Variants in RPS6KA2 observed in about 807,000 individuals in gnomAD.
RPS6KA2 encodes ribosomal protein S6 kinase alpha-2.
In RPS6KA2, 42 loss-of-function variants were observed where a neutral mutation model predicts 91.8. The ratio of observed to expected loss-of-function variants is 0.46; its 90% confidence interval spans 0.36 to 0.59. The LOEUF (loss-of-function observed/expected upper bound fraction) is 0.59. Ranked by LOEUF, RPS6KA2 falls within the 20% of genes least tolerant of loss-of-function variation. The pLI, the probability that RPS6KA2 is intolerant of heterozygous loss-of-function variation, is 0.00. For missense variants in RPS6KA2, 798 were observed against 978.5 expected (o/e 0.82, Z 2.46); for synonymous variants, 414 against 393.6 (o/e 1.05, Z -0.61).
chr6:166,580,920 G>A (rs1784988972), intron 1 of RPS6KA2, among the ~76,000 whole-genome samples: 1 of 151,870 alleles, frequency 6.6e-6, no homozygotes, highest in African/African-American at 2.4e-5. Flanking sequence ...TTCTTTTTTT[G>A]AGACGAAGTC....
chr6:166,589,822 C>A (rs3778387), intron 1 of RPS6KA2, among the ~76,000 whole-genome samples: 25,290 of 152,200 alleles, frequency 0.17, 2,263 homozygotes, highest in Non-Finnish European at 0.2. Context: ...AAATTTCTAA[C>A]TCCTAGATTT....
Position 166,640,580 on chromosome 6 carries a change from C to T in RPS6KA2, c.124-101796G>A, listed in dbSNP as rs143779183. 3.5e-3 allele frequency among the ~76,000 whole-genome samples: 540 copies of T among 152,256 alleles called. 2 individuals carry two copies. The highest frequency in any genetic ancestry group is 0.013 in the African/African-American group (524 of 41,526). On this transcript the variant is annotated intron_variant, in intron 2 of 21. Coordinates refer to the RPS6KA2 transcript ENST00000503859. The stretch of plus-strand genomic sequence containing the variant: ...CTGTTCTGGGCAACCTGCTGGGTCA[C>T]GTATGTAGAGAGAGCCTTCCCGGAA...
At chr6:166,699,886 C>G (rs1351731154) in intron 2 of RPS6KA2, among the ~76,000 whole-genome samples, 1 of 152,122 alleles carries the variant, frequency 6.6e-6, no homozygotes, top group African/African-American at 2.4e-5. Context: ...GCTTAAAAAT[C>G]TTCAAAATAG....
chr6:166,815,687 C>G (rs1779742925), intron 2 of RPS6KA2, among the ~76,000 whole-genome samples: 1 of 152,026 alleles, frequency 6.6e-6, no homozygotes, highest in African/African-American at 2.4e-5. Context: ...ATAATGTGGC[C>G]CTGATATATG....
chr6:166,461,561 CGGAGGGGA>C (rs1780301587), intron 11 of RPS6KA2, among the ~76,000 whole-genome samples: 1 of 35,276 alleles, frequency 2.8e-5, no homozygotes, highest in Non-Finnish European at 5.1e-5. Flanking sequence ...GAGAAAGAGA[CGGAGGGGA>C]GGAGGGGAGA....
rs77099781 is a variant in RPS6KA2 at position 166,574,045 on chromosome 6, G to A, written c.100-35261C>T. Reference sequence around the variant, plus strand: ...ACTCAAGACACACTCAGGCCCTGCCGTGGTCATTCTCTCTCTACAGCACAC... The same window carrying A: ...ACTCAAGACACACTCAGGCCCTGCCATGGTCATTCTCTCTCTACAGCACAC... On this transcript the variant is annotated intron_variant, in intron 1 of 20. Coordinates refer to ENST00000265678, the MANE Select transcript of RPS6KA2 (RefSeq NM_021135.6). Among the ~76,000 whole-genome samples, 310 of 152,256 alleles carry A rather than the reference G, an allele frequency of 2.0e-3. 3 individuals carry two copies. The highest frequency in any genetic ancestry group is 6.6e-3 in the African/African-American group (276 of 41,538).
chr6:166,457,029 G>A (rs1780127237), intron 12 of RPS6KA2, among the ~76,000 whole-genome samples: 1 of 152,224 alleles, frequency 6.6e-6, no homozygotes, highest in African/African-American at 2.4e-5. Flanking sequence ...TAAAAGGCAT[G>A]TCCATATGAA....
rs181202035 is a variant in RPS6KA2, at chr6:166,717,747, G to C, written c.123+140453C>G. ...CTGAAATGACCCAGAAATTTTACCA[G>C]GGGTGCCTCTCACAATTAACTGTAC... On this transcript the variant is annotated intron_variant, in intron 2 of 21. Coordinates refer to the RPS6KA2 transcript ENST00000503859. Among the ~76,000 whole-genome samples the C allele has an allele frequency of 4.2e-3, 642 of 152,278 alleles. 3 individuals are homozygous for C. Among genetic ancestry groups the C allele is most frequent in the African/African-American group, 0.015 (618 of 41,550 alleles).
chr6:166,762,963 G>C (rs531771863), intron 2 of RPS6KA2, among the ~76,000 whole-genome samples: 56 of 152,356 alleles, frequency 3.7e-4, no homozygotes, highest in African/African-American at 1.3e-3. Context: ...CCTTTGGAAG[G>C]CATTGATGGT....
chr6:166,439,757 C>G (rs1779460528), intron 14 of RPS6KA2: 1 of 152,260 alleles, frequency 6.6e-6, no homozygotes, highest in Non-Finnish European at 1.5e-5. Context: ...TTGGTCCTGA[C>G]TTGGAAGCAG....
chr6:166,463,950 G>A (rs1488027830), intron 11 of RPS6KA2, among the ~76,000 whole-genome samples: 2 of 152,212 alleles, frequency 1.3e-5, no homozygotes, highest in Non-Finnish European at 1.5e-5. Flanking sequence ...AGAAGCACCT[G>A]AAGGGTGATG....
At chr6:166,790,694 G>C (rs1378963914) in intron 2 of RPS6KA2, among the ~76,000 whole-genome samples, 1 of 152,274 alleles carries the variant, frequency 6.6e-6, no homozygotes, top group Non-Finnish European at 1.5e-5. Context: ...CCAGAGGAGA[G>C]TGGGGGCCAA....
intron 2 of RPS6KA2, among the ~76,000 whole-genome samples, chr6:166,805,346 C>T (rs892186779): frequency 2.0e-5 from 3 of 152,232 alleles, no homozygotes; most frequent in South Asian, 4.1e-4. Flanking sequence ...TCATTGTTGT[C>T]GCACCTCCCC....
At chr6:166,647,856 G>T (rs1157692546) in intron 2 of RPS6KA2, among the ~76,000 whole-genome samples, 1 of 61,818 alleles carries the variant, frequency 1.6e-5, no homozygotes, top group African/African-American at 6.9e-5. Flanking sequence ...ACACGCACAT[G>T]CTCATACACA....
chr6:166,836,577 A>T (rs1173187753), intron 2 of RPS6KA2, among the ~76,000 whole-genome samples: 5 of 152,176 alleles, frequency 3.3e-5, no homozygotes, highest in Non-Finnish European at 5.9e-5. Flanking sequence ...TTCTAAACAC[A>T]GCCATGTGAC....
At chr6:166,749,889 C>T (rs1489995331) in intron 2 of RPS6KA2, among the ~76,000 whole-genome samples, 3 of 150,924 alleles carry the variant, frequency 2.0e-5, no homozygotes, top group African/African-American at 4.9e-5. Flanking sequence ...TCCCCCTTTC[C>T]ACCACACAGA....
At chr6:166,564,680 C>T (rs573488767) in intron 1 of RPS6KA2, among the ~76,000 whole-genome samples, 7 of 152,304 alleles carry the variant, frequency 4.6e-5, no homozygotes, top group East Asian at 3.9e-4. Context: ...CTCATTCAGA[C>T]GCTGTAAAAA....
intron 1 of RPS6KA2, among the ~76,000 whole-genome samples, chr6:166,573,074 C>A (rs968649066): frequency 4.6e-5 from 7 of 152,198 alleles, no homozygotes; most frequent in African/African-American, 1.7e-4. Context: ...CAGAAGCTCT[C>A]GGGAGCCCTC....
At chr6:166,723,375 G>T (rs570810874) in intron 2 of RPS6KA2, among the ~76,000 whole-genome samples, 10 of 152,220 alleles carry the variant, frequency 6.6e-5, no homozygotes, top group African/African-American at 2.4e-4. Context: ...CCCCAGGGGG[G>T]TCCCACACGT....
Sources: allele counts gnomAD v4.1 joint callset (sites outside exome capture counted in the v4.1 genomes callset), GRCh38; gene constraint gnomAD v4.1.1; transcripts MANE v1.5; gene names NCBI Gene and HGNC (gene_info 2026-07-23, HGNC 2026-07-21).